The following CTNNA2 variants were observed in gnomAD, a reference collection of about 807,000 sequenced individuals.
The protein encoded by CTNNA2 is catenin alpha 2, also known as catenin alpha-2.
Under a neutral mutation model 101.0 loss-of-function variants are expected in CTNNA2, and 42 were observed. That is an observed-to-expected ratio of 0.42 (90% CI 0.32 to 0.54). CTNNA2 has a LOEUF of 0.54. Among genes scored for constraint, CTNNA2 ranks in the 20% least tolerant of loss-of-function variants. CTNNA2 has a pLI of 0.14. For synonymous variants in CTNNA2, 450 were observed against 456.4 expected (o/e 0.99, Z 0.18); for missense variants, 871 against 1,223.1 (o/e 0.71, Z 4.29).
At chr2:80,193,823 A>C (rs1490885927) in intron 7 of CTNNA2, among the ~76,000 whole-genome samples, 1 of 152,188 alleles carries the variant, frequency 6.6e-6, no homozygotes, top group East Asian at 1.9e-4. Context: ...TAATCATTAA[A>C]AATGAAGATG....
At chr2:79,636,105 C>CAA (rs771737673) in intron 1 of CTNNA2, among the ~76,000 whole-genome samples, 9 of 131,122 alleles carry the variant, frequency 6.9e-5, no homozygotes, top group South Asian at 2.4e-4. Context: ...ACTAAAAATA[C>CAA]AAAAAAAAAA....
In CTNNA2 at chr2:80,629,971, C is replaced by G. The variant is rs768318029; in HGVS notation, c.2574+10743C>G. ...GTGGAAGATGGCAGATAAGATAGTT[C>G]CAGATTTAGCTGCCAACCTCGTTTC... On this transcript the variant is annotated intron_variant, in intron 18 of 18. Coordinates refer to ENST00000402739, the MANE Select transcript of CTNNA2 (RefSeq NM_001282597.3). 4.7e-4 allele frequency among the ~76,000 whole-genome samples: 72 copies of G among 152,112 alleles called. 1 individual carries two copies. The highest frequency in any genetic ancestry group is 1.3e-4 in the Non-Finnish European group (9 of 68,020).
At chr2:80,379,005 GATT>G (rs1444859922) in intron 7 of CTNNA2, among the ~76,000 whole-genome samples, 1 of 152,056 alleles carries the variant, frequency 6.6e-6, no homozygotes, top group African/African-American at 2.4e-5. Context: ...GGATTTAGGA[GATT>G]ATTATGGGGT....
intron 7 of CTNNA2, among the ~76,000 whole-genome samples, chr2:80,158,114 G>A (rs1336687776): frequency 6.6e-6 from 1 of 152,092 alleles, no homozygotes; most frequent in Non-Finnish European, 1.5e-5. Flanking sequence ...TGGTGCTATT[G>A]AATGCAAATG....
intron 1 of CTNNA2, among the ~76,000 whole-genome samples, chr2:79,642,861 C>T (rs936913707): frequency 2.0e-5 from 3 of 151,524 alleles, no homozygotes; most frequent in Non-Finnish European, 4.4e-5. Context: ...AATAGCCCCT[C>T]TTACAATAGG....
chr2:80,095,710 C>A (rs1315473809), intron 7 of CTNNA2, among the ~76,000 whole-genome samples: 1 of 152,138 alleles, frequency 6.6e-6, no homozygotes, highest in African/African-American at 2.4e-5. Context: ...AGAGATTCAA[C>A]TTCTTCCTGG....
chr2:80,554,690 C>T (rs1359482512), intron 11 of CTNNA2, among the ~76,000 whole-genome samples: 1 of 152,134 alleles, frequency 6.6e-6, no homozygotes, highest in Non-Finnish European at 1.5e-5. Context: ...CTTAATACTA[C>T]CCCTTTGGGA....
intron 9 of CTNNA2, among the ~76,000 whole-genome samples, chr2:80,441,430 G>A (rs1011458754): frequency 2.0e-5 from 3 of 152,148 alleles, no homozygotes; most frequent in Non-Finnish European, 2.9e-5. Flanking sequence ...ACATATGACA[G>A]TTTTGTTGTT....
chr2:79,889,046 G>A (rs979870842), intron 6 of CTNNA2, among the ~76,000 whole-genome samples: 1 of 152,002 alleles, frequency 6.6e-6, no homozygotes, highest in East Asian at 1.9e-4. Flanking sequence ...TCTTATGTTA[G>A]TACTGCTAAT....
rs531477230 is a variant in CTNNA2, at chr2:80,062,807, G to A, written c.1056+153010G>A. Reference sequence around the variant, plus strand: ...TGCAAGCTCCACCTGCCATGTTCACGCCATTCTCCTGCCTTAGCCTCCCGA... The same window carrying A: ...TGCAAGCTCCACCTGCCATGTTCACACCATTCTCCTGCCTTAGCCTCCCGA... On this transcript the variant is annotated intron_variant, in intron 7 of 18. Coordinates refer to ENST00000402739, the MANE Select transcript of CTNNA2 (RefSeq NM_001282597.3). Among the ~76,000 whole-genome samples the A allele has an allele frequency of 4.5e-3, 665 of 148,214 alleles. 6 individuals carry two copies. Among genetic ancestry groups the A allele is most frequent in the African/African-American group, 0.016 (634 of 39,904 alleles).
intron 7 of CTNNA2, among the ~76,000 whole-genome samples, chr2:80,348,556 C>G (rs1672991894): frequency 6.6e-6 from 1 of 152,136 alleles, no homozygotes; most frequent in Non-Finnish European, 1.5e-5. Flanking sequence ...AAAGCCCGTA[C>G]TTTTCTGATC....
At chr2:79,659,215 CTTT>C (rs5832398) in intron 2 of CTNNA2, among the ~76,000 whole-genome samples, 182 of 135,772 alleles carry the variant, frequency 1.3e-3, no homozygotes, top group Middle Eastern at 4.0e-3. Context: ...TCCAGTGCCT[CTTT>C]TTTTTTTTTT....
chr2:80,434,485 CTT>C (rs1169944635), intron 9 of CTNNA2, among the ~76,000 whole-genome samples: 2,783 of 89,850 alleles, frequency 0.031, 20 homozygotes, highest in East Asian at 0.15. Flanking sequence ...TTCTGTGTCT[CTT>C]TTTTTTTTTT....
chr2:79,791,456 A>G (rs1675266672), intron 3 of CTNNA2, among the ~76,000 whole-genome samples: 1 of 152,188 alleles, frequency 6.6e-6, no homozygotes, highest in South Asian at 2.1e-4. Context: ...GGTTAGGATA[A>G]TGTATTGAGA....
At chr2:79,319,672 G>T (rs1031816543) in intron 3 of CTNNA2, 1 of 152,076 alleles carries the variant, frequency 6.6e-6, no homozygotes, top group Non-Finnish European at 1.5e-5. Flanking sequence ...TTGTCTTATG[G>T]TAGTATACAT....
intron 9 of CTNNA2, among the ~76,000 whole-genome samples, chr2:80,513,466 A>C (rs1688870224): frequency 6.6e-6 from 1 of 152,246 alleles, no homozygotes. Flanking sequence ...ATACCATATC[A>C]GTTTTAGGTA....
intron 4 of CTNNA2, among the ~76,000 whole-genome samples, chr2:79,420,200 G>T (rs1344504591): frequency 6.6e-6 from 1 of 152,170 alleles, no homozygotes; most frequent in African/African-American, 2.4e-5. Flanking sequence ...ATACAAGGAA[G>T]TATAAAGAGC....
At chr2:79,823,662 C>T (rs1236690365) in intron 3 of CTNNA2, among the ~76,000 whole-genome samples, 1 of 152,142 alleles carries the variant, frequency 6.6e-6, no homozygotes, top group African/African-American at 2.4e-5. Context: ...ATTCTGTATA[C>T]TTAAATATAA....
chr2:80,558,468 GTGTGTGTGTGTGTGTGTGTA>G, intron 12 of CTNNA2, among the ~76,000 whole-genome samples: 1 of 96,502 alleles, frequency 1.0e-5, no homozygotes, highest in African/African-American at 3.1e-5. Context: ...GTATATATGT[GTGTGTGTGTGTGTGTGTGTA>G]TATATATATG....
Sources: gnomAD v4.1 joint callset for allele counts (sites outside exome capture counted in the v4.1 genomes callset) on GRCh38, gnomAD v4.1.1 for gene constraint, MANE v1.5 for transcripts, NCBI Gene and HGNC (gene_info 2026-07-23, HGNC 2026-07-21) for gene names.